Variants in PKHD1 observed in about 807,000 individuals in gnomAD.
PKHD1 encodes the protein fibrocystin.
A neutral mutation model predicts 412.0 loss-of-function variants in PKHD1; 291 were observed. The observed-to-expected ratio is 0.71, with a 90% CI of 0.64 to 0.78. PKHD1 has a LOEUF of 0.78. Among genes scored for constraint, PKHD1 ranks in the 30% least tolerant of loss-of-function variants. PKHD1 has a pLI of 0.00. For synonymous variants in PKHD1, 1,777 were observed against 1,821.5 expected (o/e 0.98, Z 0.62); for missense variants, 4,825 against 4,950.7 (o/e 0.97, Z 0.76).
Position 51,950,220 on chromosome 6 carries a change from A to AAAAAAATATATATAT in PKHD1, c.5908+9649_5908+9650insATATATATATTTTTT. Among the ~76,000 whole-genome samples the AAAAAAATATATATAT allele has an allele frequency of 4.2e-4, 41 of 98,288 alleles. No individual in the cohort carries two copies. The East Asian group carries it at 5.4e-3, about 13-fold the overall frequency. 64.5% of individuals were successfully genotyped at this position (98,288 alleles called of 152,430 possible). ...AATGGGCAATATAGAGAAAAAAAAA[A>AAAAAAATATATATAT]ATATATATATATATATATATGAAAT... On this transcript the variant is annotated intron_variant, in intron 36 of 66. Transcript: ENST00000371117.
At chr6:51,975,963 T>TGAAAAAAAAAAAAAAAAAAAA (rs1231391714) in intron 35 of PKHD1, 1 of 69,766 alleles carries the variant, frequency 1.4e-5, no homozygotes, top group African/African-American at 5.4e-5. Context: ...TTTCTCTAAT[T>TGAAAAAAAAAAAAAAAAAAAA]AAAAAAAAAA....
At chr6:51,670,560 A>G (rs1035163214) in intron 60 of PKHD1, among the ~76,000 whole-genome samples, 29 of 151,014 alleles carry the variant, frequency 1.9e-4, no homozygotes, top group Non-Finnish European at 3.5e-4. Context: ...TAAAGTTAAT[A>G]TTGTTATGTG....
chr6:52,020,572 T>C (rs1801249395), intron 33 of PKHD1, among the ~76,000 whole-genome samples: 1 of 152,198 alleles, frequency 6.6e-6, no homozygotes, highest in African/African-American at 2.4e-5. Flanking sequence ...CCCTTGCAGC[T>C]ACTGCTCTGG....
chr6:51,630,038 G>A (rs1767737947), intron 65 of PKHD1, among the ~76,000 whole-genome samples: 1 of 152,046 alleles, frequency 6.6e-6, no homozygotes, highest in South Asian at 2.1e-4. Context: ...TGTCAACGTT[G>A]AGAAGATCTT....
chr6:51,619,048 G>T lies in PKHD1; in HGVS notation c.*33C>A. ...TATCCAGAAATACTGGGAACATTCT[G>T]CCTTTCAGGCCAAATGCCCCCAACT... On this transcript the variant is annotated 3_prime_UTR_variant, in exon 67 of 67. Coordinates refer to ENST00000371117, the MANE Select transcript of PKHD1 (RefSeq NM_138694.4). 1 of 1,589,990 alleles carries T rather than the reference G, an allele frequency of 6.3e-7. No homozygotes were observed. Among genetic ancestry groups the T allele is most frequent in the Non-Finnish European group, 8.6e-7 (1 of 1,158,424 alleles).
intron 60 of PKHD1, among the ~76,000 whole-genome samples, chr6:51,686,849 A>G (rs372990830): frequency 1.3e-5 from 2 of 152,346 alleles, no homozygotes; most frequent in African/African-American, 4.8e-5. Context: ...TGAACATTCA[A>G]GTTGAAACTA....
intron 63 of PKHD1, among the ~76,000 whole-genome samples, chr6:51,647,731 C>T (rs1398733793): frequency 1.3e-5 from 2 of 152,108 alleles, no homozygotes; most frequent in Admixed American, 6.5e-5. Context: ...GGATTTGATG[C>T]TCACCCAAAG....
At chr6:51,739,807 G>A (rs142171867) in intron 60 of PKHD1, among the ~76,000 whole-genome samples, 1 of 152,012 alleles carries the variant, frequency 6.6e-6, no homozygotes, top group Non-Finnish European at 1.5e-5. Context: ...TCATGGCTGA[G>A]AAATTGTTAA....
intron 36 of PKHD1, among the ~76,000 whole-genome samples, chr6:51,939,908 C>A (rs913827797): frequency 7.3e-5 from 11 of 151,606 alleles, no homozygotes; most frequent in Admixed American, 5.9e-4. Flanking sequence ...CCTCCCTCAT[C>A]ACACCAGGTC....
Position 51,776,963 on chromosome 6 carries a change from T to C in PKHD1, c.8441-1042A>G, listed in dbSNP as rs146092375. 4.5e-3 allele frequency among the ~76,000 whole-genome samples: 686 copies of C among 152,192 alleles called. 3 individuals carry two copies. The highest frequency in any genetic ancestry group is 8.1e-3 in the Non-Finnish European group (552 of 67,986). On this transcript the variant is annotated intron_variant, in intron 53 of 66. Coordinates refer to ENST00000371117, the MANE Select transcript of PKHD1 (RefSeq NM_138694.4). ...TGGACCTGAGGAAGGTTAGTTTCAA[T>C]GGAACATATGTCTTAGAGTACAAAA...
intron 55 of PKHD1, among the ~76,000 whole-genome samples, chr6:51,758,317 A>G (rs1787413673): frequency 6.6e-6 from 1 of 152,130 alleles, no homozygotes; most frequent in South Asian, 2.1e-4. Flanking sequence ...GTCTATGTCC[A>G]TATAGCAACA....
At chr6:51,881,614 T>C (rs1364278810) in intron 46 of PKHD1, among the ~76,000 whole-genome samples, 1 of 152,202 alleles carries the variant, frequency 6.6e-6, no homozygotes, top group Non-Finnish European at 1.5e-5. Context: ...CCATTTTCCA[T>C]GTGCAATTGA....
At chr6:52,086,258 GCGC>G (rs1812770038) in intron 1 of PKHD1, among the ~76,000 whole-genome samples, 1 of 151,144 alleles carries the variant, frequency 6.6e-6, no homozygotes, top group East Asian at 2.0e-4. Flanking sequence ...TTACAGGTGT[GCGC>G]CACCACACCC....
intron 60 of PKHD1, among the ~76,000 whole-genome samples, chr6:51,689,182 T>C (rs1777842349): frequency 6.6e-6 from 1 of 152,166 alleles, no homozygotes; most frequent in Non-Finnish European, 1.5e-5. Flanking sequence ...GGATGCAAGA[T>C]TGGTTCAACA....
intron 36 of PKHD1, among the ~76,000 whole-genome samples, chr6:51,949,333 A>G (rs1377914266): frequency 6.6e-6 from 1 of 152,208 alleles, no homozygotes; most frequent in Non-Finnish European, 1.5e-5. Flanking sequence ...CATCCATTCA[A>G]GATGGACAAA....
chr6:51,647,512 C>G (rs2580010), intron 63 of PKHD1, among the ~76,000 whole-genome samples: 8,961 of 152,242 alleles, frequency 0.059, 415 homozygotes, highest in African/African-American at 0.12. Context: ...GGTAGACAAA[C>G]ATAAGGAGAA....
intron 15 of PKHD1, among the ~76,000 whole-genome samples, chr6:52,059,658 T>C (rs899859655): frequency 6.6e-6 from 1 of 152,138 alleles, no homozygotes. Context: ...TATATACATA[T>C]ATACATACAT....
chr6:51,624,336 T>C (rs1561977273), intron 66 of PKHD1, among the ~76,000 whole-genome samples: 1 of 152,266 alleles, frequency 6.6e-6, no homozygotes, highest in Admixed American at 6.5e-5. Flanking sequence ...TTTTTTATTA[T>C]ATGACATGGA....
intron 33 of PKHD1, among the ~76,000 whole-genome samples, chr6:52,022,130 T>G (rs1014678012): frequency 6.6e-6 from 1 of 152,192 alleles, no homozygotes; most frequent in Non-Finnish European, 1.5e-5. Flanking sequence ...CCATGTGTTG[T>G]GAATCCCCAA....
Sources: allele counts gnomAD v4.1 joint callset (sites outside exome capture counted in the v4.1 genomes callset), GRCh38; gene constraint gnomAD v4.1.1; transcripts MANE v1.5; gene names NCBI Gene and HGNC (gene_info 2026-07-23, HGNC 2026-07-21).